PTER: variants seen among roughly 807,000 people sequenced by gnomAD.
PTER encodes the protein phosphotriesterase related, also known as N-acetyltaurine hydrolase.
Under a neutral mutation model 29.6 loss-of-function variants are expected in PTER, and 38 were observed. That is an observed-to-expected ratio of 1.28 (90% CI 0.99 to 1.68). The LOEUF (loss-of-function observed/expected upper bound fraction) is 1.68. Ranked by LOEUF, PTER falls within the 40% of genes most tolerant of loss-of-function variation. PTER has a pLI of 0.00. For synonymous variants in PTER, 172 were observed against 154.5 expected, an observed-to-expected ratio of 1.11 and a Z score of -0.84; for missense variants, 482 against 427.8, an observed-to-expected ratio of 1.13 and a Z score of -1.12.
At chr10:16,475,309 C>T (rs1192005988) in intron 1 of PTER, among the ~76,000 whole-genome samples, 1 of 152,142 alleles carries the variant, frequency 6.6e-6, no homozygotes, top group Non-Finnish European at 1.5e-5. Flanking sequence ...CATTTGGGAT[C>T]TTGGCTGGAC....
intron 1 of PTER, among the ~76,000 whole-genome samples, chr10:16,439,885 C>G (rs1221552092): frequency 6.6e-6 from 1 of 152,046 alleles, no homozygotes; most frequent in Non-Finnish European, 1.5e-5. Flanking sequence ...ATTAAATGCC[C>G]TAGTAAGCCA....
In PTER at chr10:16,477,307, T is replaced by G. The variant is rs560377589; in HGVS notation, c.-48-7030T>G. On this transcript the variant is annotated intron_variant, in intron 1 of 4. Transcript: ENST00000535784. Reference sequence around the variant, plus strand: ...AGATAGATAGATAGATAGATGGATGTCTGTCTGTCTGCACATGCATGTAAA... The same window carrying G: ...AGATAGATAGATAGATAGATGGATGGCTGTCTGTCTGCACATGCATGTAAA... 3.2e-3 allele frequency among the ~76,000 whole-genome samples: 378 copies of G among 116,908 alleles called. 1 individual carries two copies. The highest frequency in any genetic ancestry group is 8.9e-3 in the African/African-American group (245 of 27,436). 76.7% of individuals were successfully genotyped at this position (116,908 alleles called of 152,430 possible). A position where few individuals can be genotyped will look rare whatever the true frequency, so the allele number is the denominator to read the frequency against.
chr10:16,452,370 C>T (rs1181104863), intron 1 of PTER, among the ~76,000 whole-genome samples: 1 of 151,026 alleles, frequency 6.6e-6, no homozygotes, highest in African/African-American at 2.4e-5. Flanking sequence ...GATCTCGGCT[C>T]ATTGCAACCT....
intron 1 of PTER, among the ~76,000 whole-genome samples, chr10:16,481,977 A>C (rs892398653): frequency 1.3e-5 from 2 of 152,156 alleles, no homozygotes; most frequent in Non-Finnish European, 2.9e-5. Context: ...ATTCCTATCC[A>C]TCATCATTGG....
intron 4 of PTER, 113 bp downstream of exon 4, chr10:16,505,273 A>T: frequency 3.8e-6 from 5 of 1,318,344 alleles, no homozygotes; most frequent in Non-Finnish European, 5.2e-6. Context: ...CGAACCACAG[A>T]CTTGCAGAGA....
chr10:16,457,580 A>G (rs1262150074), intron 1 of PTER, among the ~76,000 whole-genome samples: 1 of 150,946 alleles, frequency 6.6e-6, no homozygotes, highest in Non-Finnish European at 1.5e-5. Context: ...CCGCTATGTA[A>G]TGCCAGTTAC....
chr10:16,502,570 G>GAGCC (rs1191001233), intron 3 of PTER, among the ~76,000 whole-genome samples: 2 of 152,100 alleles, frequency 1.3e-5, no homozygotes, highest in Non-Finnish European at 1.5e-5. Context: ...AAATGAAAAG[G>GAGCC]AGCCAGCCAG....
chr10:16,441,961 C>T (rs921339569), intron 1 of PTER, among the ~76,000 whole-genome samples: 1 of 151,700 alleles, frequency 6.6e-6, no homozygotes, highest in Non-Finnish European at 1.5e-5. Context: ...ACACTGAGTT[C>T]TTTCTTCACA....
At chr10:16,504,579 G>T (rs1323786484) in intron 3 of PTER, among the ~76,000 whole-genome samples, 1 of 152,122 alleles carries the variant, frequency 6.6e-6, no homozygotes, top group Non-Finnish European at 1.5e-5. Flanking sequence ...GTGTTACCCA[G>T]ATTAGCATTA....
intron 1 of PTER, among the ~76,000 whole-genome samples, chr10:16,462,826 C>T (rs941284143): frequency 1.3e-5 from 2 of 151,914 alleles, no homozygotes; most frequent in African/African-American, 4.8e-5. Context: ...CCGCCTCAGC[C>T]TCCCAAAGTG....
intron 1 of PTER, among the ~76,000 whole-genome samples, chr10:16,468,791 C>G (rs1186016872): frequency 1.4e-5 from 2 of 143,494 alleles, no homozygotes; most frequent in African/African-American, 2.5e-5. Context: ...CTGGGCAACA[C>G]AGGGAGACCC....
chr10:16,509,940 G>A (rs1484393499), intron 4 of PTER, among the ~76,000 whole-genome samples: 1 of 152,012 alleles, frequency 6.6e-6, no homozygotes, highest in African/African-American at 2.4e-5. Flanking sequence ...TGTGTGTGTA[G>A]TACCCCACGT....
chr10:16,470,998 T>C (rs900304158), intron 1 of PTER, among the ~76,000 whole-genome samples: 3 of 152,204 alleles, frequency 2.0e-5, no homozygotes, highest in African/African-American at 7.2e-5. Flanking sequence ...TCAGATGAGA[T>C]CTTGTTCCTG....
chr10:16,475,827 G>C (rs1588608486), intron 1 of PTER, among the ~76,000 whole-genome samples: 1 of 152,136 alleles, frequency 6.6e-6, no homozygotes, highest in Non-Finnish European at 1.5e-5. Flanking sequence ...TTAATCACAG[G>C]CCTCAAATGA....
At chr10:16,438,938 A>AG (rs1564380947) in intron 1 of PTER, among the ~76,000 whole-genome samples, 2 of 149,484 alleles carry the variant, frequency 1.3e-5, no homozygotes, top group African/African-American at 4.9e-5. Context: ...AAAAAAAAAA[A>AG]GGTAAGTGGT....
intron 3 of PTER, among the ~76,000 whole-genome samples, chr10:16,491,639 C>T (rs555565249): frequency 6.6e-6 from 1 of 152,198 alleles, no homozygotes; most frequent in African/African-American, 2.4e-5. Flanking sequence ...TTTCATTTCC[C>T]CCATCATGCC....
chr10:16,510,094 C>T (rs553746327), intron 4 of PTER, among the ~76,000 whole-genome samples: 90 of 152,130 alleles, frequency 5.9e-4, no homozygotes, highest in South Asian at 3.3e-3. Context: ...AGAATCTAGA[C>T]GCCAAAAAAA....
intron 1 of PTER, among the ~76,000 whole-genome samples, chr10:16,478,335 G>GTTT (rs34168657): frequency 1.2e-3 from 166 of 140,230 alleles, no homozygotes; most frequent in African/African-American, 3.5e-3. Context: ...CCTCGTTTCC[G>GTTT]TTTTTTTTTT....
intron 1 of PTER, among the ~76,000 whole-genome samples, chr10:16,462,311 G>T (rs948213781): frequency 6.6e-6 from 1 of 152,026 alleles, no homozygotes; most frequent in African/African-American, 2.4e-5. Context: ...ATGAGAGGTG[G>T]TTGGATTGAG....
Sources: gnomAD v4.1 joint callset for allele counts (sites outside exome capture counted in the v4.1 genomes callset) on GRCh38, gnomAD v4.1.1 for gene constraint, MANE v1.5 for transcripts, NCBI Gene and HGNC (gene_info 2026-07-23, HGNC 2026-07-21) for gene names.